The following GALNTL6 variants were observed in gnomAD, a reference collection of about 807,000 sequenced individuals.
GALNTL6 encodes polypeptide N-acetylgalactosaminyltransferase like 6, also known as polypeptide N-acetylgalactosaminyltransferase-like 6.
Under a neutral mutation model 73.7 loss-of-function variants are expected in GALNTL6, and 46 were observed. That is an observed-to-expected ratio of 0.62 (90% CI 0.49 to 0.80). The LOEUF (loss-of-function observed/expected upper bound fraction) is 0.80, where lower values mean the gene tolerates loss of function less well. Ranked by LOEUF, GALNTL6 falls within the 30% of genes least tolerant of loss-of-function variation. GALNTL6 has a pLI of 0.00. For synonymous variants in GALNTL6, 259 were observed against 263.7 expected, an observed-to-expected ratio of 0.98 and a Z score of 0.17; for missense variants, 604 against 755.0, an observed-to-expected ratio of 0.80 and a Z score of 2.34.
intron 2 of GALNTL6, among the ~76,000 whole-genome samples, chr4:171,834,590 T>C (rs760508903): frequency 6.6e-6 from 1 of 151,994 alleles, no homozygotes; most frequent in East Asian, 1.9e-4. Context: ...GGATACAATA[T>C]GTAGTGGTTA....
chr4:172,075,108 G>A (rs140480595), intron 2 of GALNTL6, among the ~76,000 whole-genome samples: 1,546 of 151,868 alleles, frequency 0.01, 13 homozygotes, highest in Non-Finnish European at 0.015. Flanking sequence ...TTTTCTAATC[G>A]CCATGTTATA....
At chr4:172,730,117 A>G (rs1486576733) in intron 5 of GALNTL6, among the ~76,000 whole-genome samples, 1 of 152,130 alleles carries the variant, frequency 6.6e-6, no homozygotes, top group Non-Finnish European at 1.5e-5. Context: ...TATCAGTTCT[A>G]ACAGTTTTTT....
At chr4:171,976,385 A>G (rs540419478) in intron 2 of GALNTL6, among the ~76,000 whole-genome samples, 2 of 152,350 alleles carry the variant, frequency 1.3e-5, no homozygotes, top group Admixed American at 1.3e-4. Context: ...CTAAATATAC[A>G]TGTATTGACT....
chr4:172,384,215 G>A (rs1444834216), intron 5 of GALNTL6, among the ~76,000 whole-genome samples: 5 of 152,140 alleles, frequency 3.3e-5, no homozygotes, highest in African/African-American at 1.2e-4. Context: ...TGAAGCAGGT[G>A]AAGTGAAGTA....
At chr4:172,260,152 G>C (rs192825093) in intron 3 of GALNTL6, among the ~76,000 whole-genome samples, 5 of 151,556 alleles carry the variant, frequency 3.3e-5, no homozygotes, top group Non-Finnish European at 5.9e-5. Flanking sequence ...GTACTTTGAC[G>C]AGAATTGCAT....
At chr4:172,474,499 A>G (rs1455244983) in intron 5 of GALNTL6, among the ~76,000 whole-genome samples, 4 of 152,164 alleles carry the variant, frequency 2.6e-5, no homozygotes, top group Non-Finnish European at 4.4e-5. Context: ...CCTGGCATAT[A>G]CTAACTGTAC....
At chr4:171,903,025 C>T (rs77515054) in intron 2 of GALNTL6, among the ~76,000 whole-genome samples, 3,032 of 151,958 alleles carry the variant, frequency 0.02, 72 homozygotes, top group African/African-American at 0.05. Flanking sequence ...CAGTCAAAGA[C>T]GAAGAAGGAG....
chr4:172,913,796 G>A (rs1290072941), intron 8 of GALNTL6, among the ~76,000 whole-genome samples: 1 of 152,160 alleles, frequency 6.6e-6, no homozygotes, highest in Non-Finnish European at 1.5e-5. Context: ...GGGAAGAATG[G>A]AACCAAGTTG....
chr4:172,468,445 C>T (rs1349080769), intron 5 of GALNTL6, among the ~76,000 whole-genome samples: 1 of 152,044 alleles, frequency 6.6e-6, no homozygotes. Flanking sequence ...TACTATATGA[C>T]TGTTATTGTT....
intron 5 of GALNTL6, among the ~76,000 whole-genome samples, chr4:172,404,685 T>C (rs1744149534): frequency 6.6e-6 from 1 of 152,056 alleles, no homozygotes; most frequent in Non-Finnish European, 1.5e-5. Context: ...TCTACTTTAG[T>C]GTTAAAGGAA....
At chr4:172,497,909 C>T (rs2110766561) in intron 5 of GALNTL6, among the ~76,000 whole-genome samples, 1 of 151,976 alleles carries the variant, frequency 6.6e-6, no homozygotes, top group East Asian at 1.9e-4. Context: ...TAAACATCTC[C>T]ATCCCCAACA....
intron 5 of GALNTL6, among the ~76,000 whole-genome samples, chr4:172,797,437 G>T (rs2110948451): frequency 6.6e-6 from 1 of 152,202 alleles, no homozygotes; most frequent in East Asian, 1.9e-4. Context: ...TAGAGACAGG[G>T]TTTCACTGTG....
chr4:172,080,267 A>G (rs1001876312), intron 2 of GALNTL6, among the ~76,000 whole-genome samples: 2 of 152,086 alleles, frequency 1.3e-5, no homozygotes. Context: ...TGCAGTTTTA[A>G]ACTCCTGGGC....
chr4:172,730,650 A>G (rs1736089889), intron 5 of GALNTL6, among the ~76,000 whole-genome samples: 1 of 152,036 alleles, frequency 6.6e-6, no homozygotes, highest in Non-Finnish European at 1.5e-5. Context: ...GGATTTTTGC[A>G]GTTATGTTCT....
intron 2 of GALNTL6, among the ~76,000 whole-genome samples, chr4:172,088,283 G>T (rs1732106762): frequency 1.3e-5 from 2 of 152,166 alleles, no homozygotes; most frequent in South Asian, 4.2e-4. Flanking sequence ...ATTACTCTAA[G>T]ATTATTAGCC....
At chr4:172,618,859 G>T (rs1279802954) in intron 5 of GALNTL6, among the ~76,000 whole-genome samples, 1 of 152,072 alleles carries the variant, frequency 6.6e-6, no homozygotes, top group Non-Finnish European at 1.5e-5. Flanking sequence ...AAGTAGCTGC[G>T]ATTAAGGGTG....
intron 2 of GALNTL6, among the ~76,000 whole-genome samples, chr4:171,835,088 A>G (rs1735066458): frequency 6.6e-6 from 1 of 152,142 alleles, no homozygotes; most frequent in African/African-American, 2.4e-5. Context: ...TTTTGAAAGA[A>G]AGATTGACAA....
chr4:172,163,387 C>G (rs1199875411), intron 2 of GALNTL6, among the ~76,000 whole-genome samples: 1 of 151,920 alleles, frequency 6.6e-6, no homozygotes, highest in African/African-American at 2.4e-5. Context: ...ACTGTACAAA[C>G]ATAGATAACT....
At chr4:172,902,145 T>C (rs777927689) in intron 8 of GALNTL6, among the ~76,000 whole-genome samples, 12 of 152,174 alleles carry the variant, frequency 7.9e-5, no homozygotes, top group Non-Finnish European at 1.5e-4. Flanking sequence ...GACCTAACGA[T>C]GTGCATAAAA....
Sources: allele counts gnomAD v4.1 joint callset (sites outside exome capture counted in the v4.1 genomes callset), GRCh38; gene constraint gnomAD v4.1.1; transcripts MANE v1.5; gene names NCBI Gene and HGNC (gene_info 2026-07-23, HGNC 2026-07-21).